The following PUM1 variants were observed in gnomAD, a reference collection of about 807,000 sequenced individuals.
The protein encoded by PUM1 is pumilio homolog 1.
Under a neutral mutation model 131.8 loss-of-function variants are expected in PUM1, and 13 were observed. The observed-to-expected ratio is 0.10, with a 90% CI of 0.06 to 0.16. PUM1 has a LOEUF of 0.16. Ranked by LOEUF, PUM1 falls within the 10% of genes least tolerant of loss-of-function variation. PUM1 has a pLI of 1.00. For synonymous variants in PUM1, 509 were observed against 556.5 expected (o/e 0.91, Z 1.20); for missense variants, 961 against 1,512.4 (o/e 0.64, Z 6.05).
At position 30,989,571 on chromosome 1, in the gene PUM1, CAAAAAAAA is replaced by C. The variant is rs1174565063; in HGVS notation, c.1158+2811_1158+2818del. Among the ~76,000 whole-genome samples the C allele has an allele frequency of 7.0e-3, 194 of 27,694 alleles. 1 individual carries two copies. Among genetic ancestry groups the C allele is most frequent in the African/African-American group, 0.024 (180 of 7,402 alleles). 18.2% of individuals were successfully genotyped at this position (27,694 alleles called of 152,430 possible). ...TGGGCAAAAGAGTGAGACTCCGTCT[CAAAAAAAA>C]AAAAAAAAAAAAAAAAAAAAGAACC... is the stretch of plus-strand genomic sequence containing the variant. On this transcript the variant is annotated intron_variant, in intron 7 of 21. Coordinates refer to ENST00000426105, the MANE Select transcript of PUM1 (RefSeq NM_001020658.2).
At chr1:31,022,122 C>A (rs1382153401) in intron 3 of PUM1, among the ~76,000 whole-genome samples, 1 of 150,604 alleles carries the variant, frequency 6.6e-6, no homozygotes, top group Non-Finnish European at 1.5e-5. Context: ...CATCTTGACA[C>A]TTAAGAATTT....
intron 5 of PUM1, among the ~76,000 whole-genome samples, chr1:30,999,297 GC>G (rs1233835155): frequency 6.6e-6 from 1 of 152,050 alleles, no homozygotes; most frequent in East Asian, 1.9e-4. Flanking sequence ...ATAACACCTA[GC>G]CCAGTCTTTT....
At chr1:31,059,665 T>A (rs1470707539) in intron 1 of PUM1, 88 bp from the exon 2 acceptor site, 1 of 1,443,536 alleles carries the variant, frequency 6.9e-7, no homozygotes, top group Non-Finnish European at 9.3e-7. Flanking sequence ...CCCATGTCTT[T>A]TACAATAAAT....
In PUM1 at chr1:31,009,772, A is replaced by AAAAAAAAAAC. The variant is rs1553150221; in HGVS notation, c.433-2671_433-2670insGTTTTTTTTT. On this transcript the variant is annotated intron_variant, in intron 3 of 21. Coordinates refer to ENST00000426105, the MANE Select transcript of PUM1 (RefSeq NM_001020658.2). ...AAGAGAGCAAGACTCTGTCTCAAAA[A>AAAAAAAAAAC]AAAAAAAAAAAAAAACAAAAACAGA... 4.1e-3 allele frequency among the ~76,000 whole-genome samples: 261 copies of AAAAAAAAAAC among 62,978 alleles called. 3 individuals are homozygous for AAAAAAAAAAC. Among genetic ancestry groups the AAAAAAAAAAC allele is most frequent in the Non-Finnish European group, 7.5e-3 (185 of 24,664 alleles). The allele number at this position is 62,978 out of a possible 152,430, so 41.3% of individuals were successfully genotyped here.
chr1:31,009,825 T>C (rs1034552285), intron 3 of PUM1, among the ~76,000 whole-genome samples: 1 of 144,294 alleles, frequency 6.9e-6, no homozygotes, highest in Non-Finnish European at 1.5e-5. Flanking sequence ...CAAGGAACAG[T>C]TTCCAAAAGT....
At chr1:30,974,087 CAA>C (rs201918935) in intron 10 of PUM1, among the ~76,000 whole-genome samples, 2 of 106,790 alleles carry the variant, frequency 1.9e-5, no homozygotes, top group Admixed American at 9.8e-5. Flanking sequence ...GACTCCATCT[CAA>C]AAAAAAAAAA....
rs903797813 is a variant in PUM1 at position 30,933,137 on chromosome 1, T to C, written c.*74A>G. 5.2e-6 allele frequency: 8 copies of C among 1,532,198 alleles called. No individual in the cohort carries two copies. In the African/African-American group the frequency reaches 1.1e-4, roughly 21 times the overall value. The allele number at this position is 1,532,198 out of a possible 1,614,324, so 94.9% of individuals were successfully genotyped here. On this transcript the variant is annotated 3_prime_UTR_variant, in exon 22 of 22. Transcript: ENST00000426105. ...CGTCTCAGACTCTACACTAGAACAT[T>C]TCTGGTTGCTGGTTGGATTTGCCAG...
At chr1:30,945,930 T>C (rs908791898) in intron 17 of PUM1, among the ~76,000 whole-genome samples, 5 of 152,042 alleles carry the variant, frequency 3.3e-5, no homozygotes, top group African/African-American at 9.6e-5. Context: ...GGATTACAGG[T>C]GTGTACCACC....
At position 30,932,833 on chromosome 1, in the gene PUM1, C is replaced by CT. The variant is rs1012123112; in HGVS notation, c.*377dup. The CT allele has an allele frequency of 3.1e-4, 44 of 143,790 alleles. No homozygotes were observed. Among genetic ancestry groups the CT allele is most frequent in the South Asian group, 1.3e-3 (6 of 4,498 alleles). The allele number at this position is 143,790 out of a possible 1,614,324, so 8.9% of individuals were successfully genotyped here. A position where few individuals can be genotyped will look rare whatever the true frequency, so the allele number is the denominator to read the frequency against. On this transcript the variant is annotated 3_prime_UTR_variant, in exon 22 of 22. Transcript: ENST00000426105. ...GAGCTAAAAACCTTTTCCTTTTTTTCTTTTTTTTTTAAAGCTTTTTTTTTT... is the reference window on the plus strand; with the variant it reads ...GAGCTAAAAACCTTTTCCTTTTTTTCTTTTTTTTTTTAAAGCTTTTTTTTTT...
At chr1:30,994,983 G>C (rs1325004643) in intron 6 of PUM1, 71 bp downstream of exon 6, 17 of 1,514,862 alleles carry the variant, frequency 1.1e-5, no homozygotes, top group Non-Finnish European at 1.5e-5. Context: ...GAAAATCAAA[G>C]TAAAACTAAA....
At chr1:31,010,979 A>C (rs1365175471) in intron 3 of PUM1, among the ~76,000 whole-genome samples, 2 of 151,946 alleles carry the variant, frequency 1.3e-5, no homozygotes, top group Non-Finnish European at 2.9e-5. Context: ...ACATAGCGAG[A>C]CTCTAGCTTT....
In PUM1 at chr1:30,968,509, G is replaced by A. The variant is rs188871885; in HGVS notation, c.1507-17C>T. The A allele has an allele frequency of 6.3e-7, 1 of 1,586,774 alleles. No individual in the cohort carries two copies. Among genetic ancestry groups the A allele is most frequent in the Non-Finnish European group, 8.5e-7 (1 of 1,173,030 alleles). The stretch of plus-strand genomic sequence containing the variant: ...ACGGAGAACCTGGGAAAGGAAGACA[G>A]AAATAACTCAACCACTTTCTTTTCA... On this transcript the variant is annotated splice_polypyrimidine_tract_variant and intron_variant, in intron 10 of 21. Transcript: ENST00000426105.
chr1:30,943,879 T>C (rs911423308), intron 18 of PUM1, among the ~76,000 whole-genome samples: 22 of 152,212 alleles, frequency 1.4e-4, no homozygotes, highest in African/African-American at 5.3e-4. Flanking sequence ...TGAGTATTTT[T>C]TCATGTCTAC....
Position 31,059,336 on chromosome 1 carries a change from G to A in PUM1, c.231C>T (p.Asp77=), listed in dbSNP as rs745376404. ...GSIGVAGRSQ[D]DAMVDYFFQR... ...GAAAGAAGTAGTCCACCATAGCGTC[G>A]TCCTGGGAACGGCCTGCAACTCCTA... is the stretch of plus-strand genomic sequence containing the variant. The change falls in exon 2 of 22, where the codon GAC becomes GAT. Residue 77 remains aspartate (D), a synonymous_variant. Transcript: ENST00000426105. 6.2e-6 allele frequency: 10 copies of A among 1,614,012 alleles called. No individual in the cohort carries two copies. Among genetic ancestry groups the A allele is most frequent in the Non-Finnish European group, 6.8e-6 (8 of 1,180,040 alleles).
intron 2 of PUM1, among the ~76,000 whole-genome samples, chr1:31,034,056 G>A (rs1244420106): frequency 6.6e-6 from 1 of 152,046 alleles, no homozygotes; most frequent in Non-Finnish European, 1.5e-5. Context: ...TTTTCAAGCA[G>A]GTATTATTGA....
chr1:31,038,268 A>C (rs145705661), intron 2 of PUM1, among the ~76,000 whole-genome samples: 118 of 152,102 alleles, frequency 7.8e-4, no homozygotes, highest in African/African-American at 2.7e-3. Flanking sequence ...GCATGCCTAC[A>C]GTGTTAGTCT....
chr1:31,006,539 C>T (rs1006192406), intron 4 of PUM1, among the ~76,000 whole-genome samples: 1 of 152,164 alleles, frequency 6.6e-6, no homozygotes, highest in African/African-American at 2.4e-5. Flanking sequence ...TAAGTTCTCC[C>T]CATCCCTCTT....
At chr1:30,995,001 A>G in intron 6 of PUM1, 53 bp downstream of exon 6, 1 of 1,554,028 alleles carries the variant, frequency 6.4e-7, no homozygotes, top group Non-Finnish European at 8.7e-7. Flanking sequence ...AAATCAAAAC[A>G]AACAAAATCC....
chr1:30,990,148 G>A (rs1641731106), intron 7 of PUM1, among the ~76,000 whole-genome samples: 1 of 152,206 alleles, frequency 6.6e-6, no homozygotes, highest in South Asian at 2.1e-4. Flanking sequence ...TTAATTTTGG[G>A]AAGCATATTA....
Sources: gnomAD v4.1 joint callset for allele counts (sites outside exome capture counted in the v4.1 genomes callset) on GRCh38, gnomAD v4.1.1 for gene constraint, MANE v1.5 for transcripts, NCBI Gene and HGNC (gene_info 2026-07-23, HGNC 2026-07-21) for gene names.